The following MTHFSD variants were observed in gnomAD, a reference collection of about 807,000 sequenced individuals.
MTHFSD encodes the protein methenyltetrahydrofolate synthetase domain containing, also known as methenyltetrahydrofolate synthase domain-containing protein.
Under a neutral mutation model 31.1 loss-of-function variants are expected in MTHFSD, and 37 were observed. The observed-to-expected ratio is 1.19, with a 90% confidence interval of 0.91 to 1.56. The LOEUF (loss-of-function observed/expected upper bound fraction) is 1.56. Among genes scored for constraint, MTHFSD ranks in the 40% most tolerant of loss-of-function variants. MTHFSD has a pLI of 0.00. For missense variants in MTHFSD, 664 were observed against 510.1 expected (o/e 1.30, Z -2.91); for synonymous variants, 221 against 206.9 (o/e 1.07, Z -0.59).
rs1188366920 is a variant in MTHFSD, at chr16:86,535,303, A to G, written c.682-2822T>C. On this transcript the variant is annotated intron_variant, in intron 7 of 7. Coordinates refer to ENST00000360900, the MANE Select transcript of MTHFSD (RefSeq NM_001159377.2). ...TGGGTAAAGGATGACAAGGCTTCAC[A>G]TCAGCTCCCTCCTCCTCAAGCTCTA... 6.3e-6 allele frequency: 5 copies of G among 795,280 alleles called. No homozygotes were observed. In the East Asian group the frequency reaches 6.4e-4, roughly 102 times the overall value. The allele number at this position is 795,280 out of a possible 1,614,324, so 49.3% of individuals were successfully genotyped here. A position where few individuals can be genotyped will look rare whatever the true frequency, so the allele number is the denominator to read the frequency against.
In MTHFSD at chr16:86,535,488, T is replaced by C. The variant is rs1970567309; in HGVS notation, c.682-3007A>G. The C allele has an allele frequency of 1.2e-5, 12 of 985,234 alleles. No individual in the cohort carries two copies. In the South Asian group the frequency reaches 4.2e-4, roughly 35 times the overall value. The allele number at this position is 985,234 out of a possible 1,614,324, so 61.0% of individuals were successfully genotyped here. A position where few individuals can be genotyped will look rare whatever the true frequency, so the allele number is the denominator to read the frequency against. ...AGTGCTACTGTTTCCTGGCTGGCAA[T>C]GAGGAATAGTTGTTACATTCTGTCA... On this transcript the variant is annotated intron_variant, in intron 7 of 7. Coordinates refer to ENST00000360900, the MANE Select transcript of MTHFSD (RefSeq NM_001159377.2).
intron 4 of MTHFSD, chr16:86,548,237 C>T (rs1418488137): frequency 2.0e-6 from 2 of 997,156 alleles, no homozygotes; most frequent in Non-Finnish European, 1.4e-6. Flanking sequence ...TTATAATTTG[C>T]CAATTTCGTG....
intron 3 of MTHFSD, 43 bp from the exon 4 acceptor site, chr16:86,548,620 T>C: frequency 6.8e-7 from 1 of 1,474,500 alleles, no homozygotes; most frequent in Non-Finnish European, 9.4e-7. Flanking sequence ...AATCAAATTA[T>C]TCCATAGGAC....
chr16:86,536,417 C>G (rs535696330), intron 7 of MTHFSD, among the ~76,000 whole-genome samples: 1 of 152,196 alleles, frequency 6.6e-6, no homozygotes, highest in Non-Finnish European at 1.5e-5. Flanking sequence ...ATCTCTTCAA[C>G]GTGGCTCATG....
chr16:86,546,574 C>A lies in MTHFSD; in HGVS notation c.427G>T (p.Ala143Ser). 6.2e-7 allele frequency: 1 copy of A among 1,613,908 alleles called. No homozygotes were observed. Among genetic ancestry groups the A allele is most frequent in the Non-Finnish European group, 8.5e-7 (1 of 1,179,998 alleles). Reference sequence around the variant, plus strand: ...CTAGTCTTACCTTTTTCAGAAACGGCGACGGATCCCACCACAACTAAATCC... The same window carrying A: ...CTAGTCTTACCTTTTTCAGAAACGGAGACGGATCCCACCACAACTAAATCC... ...LVDLVVVGSV[A>S]VSEKGWRIGK... Residue 143 changes from alanine (A) to serine (S), a missense_variant, in exon 5 of 8, where the codon GCC (alanine) becomes TCC (serine). Transcript: ENST00000360900.
Position 86,532,486 on chromosome 16 carries a change from A to G in MTHFSD, c.682-5T>C, listed in dbSNP as rs1461870288. 1 of 1,398,696 alleles carries G rather than the reference A, an allele frequency of 7.1e-7. No homozygotes were observed. The highest frequency in any genetic ancestry group is 9.3e-7 in the Non-Finnish European group (1 of 1,074,556). 86.6% of individuals were successfully genotyped at this position (1,398,696 alleles called of 1,614,324 possible). On this transcript the variant is annotated splice_region_variant and splice_polypyrimidine_tract_variant and intron_variant, in intron 7 of 7. Transcript: ENST00000360900. ...CTCCATCATCTCCAGGCTGATCTGAAAAGCAAAGCAGTTGCAGCTCTTTCA... is the reference window on the plus strand; with the variant it reads ...CTCCATCATCTCCAGGCTGATCTGAGAAGCAAAGCAGTTGCAGCTCTTTCA...
At chr16:86,541,060 G>A (rs1242460043) in intron 7 of MTHFSD, 6 of 1,237,932 alleles carry the variant, frequency 4.8e-6, no homozygotes. Context: ...TTGACCAGTA[G>A]TTTTGTCCAC....
intron 7 of MTHFSD, chr16:86,535,216 G>T: frequency 1.0e-5 from 10 of 984,584 alleles, no homozygotes; most frequent in Non-Finnish European, 1.2e-5. Flanking sequence ...GGGGCCGTTA[G>T]AATGGAAATG....
chr16:86,544,333 C>G (rs112384589), intron 5 of MTHFSD, among the ~76,000 whole-genome samples: 2,407 of 152,120 alleles, frequency 0.016, 61 homozygotes, highest in African/African-American at 0.055. Context: ...ATCTGTCTGA[C>G]AAAGGTCTAA....
rs1465025577 is a variant in MTHFSD, at chr16:86,531,775, G to T, written c.*236C>A. 1 of 375,874 alleles carries T rather than the reference G, an allele frequency of 2.7e-6. No homozygotes were observed. The highest frequency in any genetic ancestry group is 1.2e-4 in the South Asian group (1 of 8,340). 23.3% of individuals were successfully genotyped at this position (375,874 alleles called of 1,614,324 possible). On this transcript the variant is annotated 3_prime_UTR_variant, in exon 8 of 8. Transcript: ENST00000360900. This position sits in a 1 kb window ranked among gnomAD's most constrained non-coding sequence, Gnocchi z 5.5. ...ACCGACTCAAGGCCCGAGCCTGCACGATTGGGAGGCTGCAGTCTCTGCGCG... is the reference window on the plus strand; with the variant it reads ...ACCGACTCAAGGCCCGAGCCTGCACTATTGGGAGGCTGCAGTCTCTGCGCG...
intron 2 of MTHFSD, among the ~76,000 whole-genome samples, 186 bp downstream of exon 2, chr16:86,554,459 G>A (rs997711601): frequency 1.4e-4 from 22 of 152,294 alleles, no homozygotes; most frequent in African/African-American, 4.8e-4. Context: ...AGAGGCCCCA[G>A]GTGAAGAGTA....
At chr16:86,554,538 C>CACACCACT in intron 2 of MTHFSD, 107 bp downstream of exon 2, 9 of 902,208 alleles carry the variant, frequency 1.0e-5, no homozygotes, top group Admixed American at 5.8e-5. Context: ...GCTCACTGCT[C>CACACCACT]GCCACATTCT....
chr16:86,554,966 T>C, intron 1 of MTHFSD: 1 of 1,304,758 alleles, frequency 7.7e-7, no homozygotes, highest in Non-Finnish European at 1.0e-6. Flanking sequence ...ATCTTTATTT[T>C]TCCTGACATC....
At chr16:86,554,543 CA>C in intron 2 of MTHFSD, 101 bp downstream of exon 2, 11 of 941,488 alleles carry the variant, frequency 1.2e-5, no homozygotes, top group Admixed American at 5.7e-5. Context: ...CTGCTCGCCA[CA>C]TTCTCATCCA....
At chr16:86,547,312 T>C in intron 4 of MTHFSD, 2 of 985,776 alleles carry the variant, frequency 2.0e-6, no homozygotes, top group Non-Finnish European at 2.4e-6. Flanking sequence ...AATATGTTCA[T>C]GGTTCTCATA....
In MTHFSD at chr16:86,554,842, G is replaced by A. The variant is rs559234927; in HGVS notation, c.17-91C>T. The A allele has an allele frequency of 3.3e-5, 40 of 1,209,976 alleles. No homozygotes were observed. The South Asian group carries it at 5.3e-4, about 16-fold the overall frequency. 75.0% of individuals were successfully genotyped at this position (1,209,976 alleles called of 1,614,324 possible). On this transcript the variant is annotated intron_variant, in intron 1 of 7. Coordinates refer to ENST00000360900, the MANE Select transcript of MTHFSD (RefSeq NM_001159377.2). ...AACAGTAGTTAAGCGACCCCCGCGT[G>A]TAGGTCAAACCGGCTTCCGATCCTG... is the stretch of plus-strand genomic sequence containing the variant.
intron 7 of MTHFSD, chr16:86,533,398 AC>A (rs1970244459): frequency 6.6e-6 from 1 of 152,186 alleles, no homozygotes; most frequent in South Asian, 2.1e-4. Flanking sequence ...GTCCTTTTTG[AC>A]AATTCTCATT....
At position 86,555,233 on chromosome 16, in the gene MTHFSD, A is replaced by G. The variant is rs1973935083; in HGVS notation, c.-49T>C. 1.3e-6 allele frequency: 2 copies of G among 1,534,904 alleles called. No homozygotes were observed. The highest frequency in any genetic ancestry group is 2.4e-5 in the South Asian group (2 of 83,966). ...CTTCCCGGCGCAGGTTCTGGCGCGT[A>G]GTGACGTCACCCGCTCCGCGCCTGC... On this transcript the variant is annotated 5_prime_UTR_variant, in exon 1 of 8. Coordinates refer to ENST00000360900, the MANE Select transcript of MTHFSD (RefSeq NM_001159377.2).
rs1262369056 is a variant in MTHFSD at position 86,552,124 on chromosome 16, T to C, written c.146A>G (p.Asn49Ser). ...NFKGSYLACQ[N>S]IKDLDVFART... Reference sequence around the variant, plus strand: ...GGCAAAAACGTCTAGGTCTTTGATGTTTTGGCAAGCCAGATAAGACCCCTA... The same window carrying C: ...GGCAAAAACGTCTAGGTCTTTGATGCTTTGGCAAGCCAGATAAGACCCCTA... The change falls in exon 3 of 8, where the codon AAC becomes AGC. Residue 49 changes from asparagine (N) to serine (S), a missense_variant. Asn to Ser is a conservative substitution (Grantham distance 46). Coordinates refer to ENST00000360900, the MANE Select transcript of MTHFSD (RefSeq NM_001159377.2). The C allele has an allele frequency of 1.2e-6, 2 of 1,614,060 alleles. No individual in the cohort carries two copies. Among genetic ancestry groups the C allele is most frequent in the Admixed American group, 1.7e-5 (1 of 59,998 alleles).
Sources: allele counts gnomAD v4.1 joint callset (sites outside exome capture counted in the v4.1 genomes callset), GRCh38; gene constraint gnomAD v4.1.1; non-coding constraint Gnocchi (gnomAD v3.1); transcripts MANE v1.5; gene names NCBI Gene and HGNC (gene_info 2026-07-23, HGNC 2026-07-21).